Variants in ZNF407 observed in about 807,000 individuals in gnomAD.
ZNF407 encodes zinc finger protein 407.
A neutral mutation model predicts 131.2 loss-of-function variants in ZNF407; 17 were observed. The observed-to-expected ratio is 0.13, with a 90% CI of 0.09 to 0.19. The LOEUF (loss-of-function observed/expected upper bound fraction) is 0.19, where lower values mean the gene tolerates loss of function less well. ZNF407 is among the 10% of genes least tolerant of loss of function. The probability of loss-of-function intolerance (pLI) is 1.00; values close to 1 mark genes in which losing one functional copy is unlikely to be tolerated. For missense variants in ZNF407, 2,681 were observed against 2,830.6 expected (o/e 0.95, Z 1.20); for synonymous variants, 1,156 against 1,062.0 (o/e 1.09, Z -1.72).
chr18:74,634,073 G>C lies in ZNF407; in HGVS notation c.3054G>C (p.Lys1018Asn), dbSNP rs752241301. Residue 1018 changes from lysine to asparagine, a missense_variant, in exon 2 of 9, where the codon AAG (lysine) becomes AAC (asparagine). Physicochemically the swap from Lys to Asn is moderately conservative, Grantham distance 94. Around this residue, in one of 6 missense-constraint regions of ZNF407, gnomAD observed 1,789 missense variants for 1,748.7 expected, o/e 1.02. Coordinates refer to ENST00000299687, the MANE Select transcript of ZNF407 (RefSeq NM_017757.3). ...ATGTTACAGGCACAGGTGAGAATAA[G>C]TGTTTGCACTGTGAGTTTAGTGCTC... ...QRDVTGTGEN[K>N]CLHCEFSAHS... The C allele has an allele frequency of 6.2e-7, 1 of 1,614,076 alleles. No homozygotes were observed. Among genetic ancestry groups the C allele is most frequent in the Non-Finnish European group, 8.5e-7 (1 of 1,179,914 alleles).
intron 3 of ZNF407, among the ~76,000 whole-genome samples, chr18:74,716,396 TG>T (rs902881134): frequency 1.3e-5 from 2 of 152,236 alleles, no homozygotes; most frequent in Non-Finnish European, 2.9e-5. Context: ...TGTGTGTGTG[TG>T]ATTGACTTTG....
chr18:75,054,659 C>G (rs183284877), intron 8 of ZNF407, among the ~76,000 whole-genome samples: 2 of 152,330 alleles, frequency 1.3e-5, no homozygotes, highest in Non-Finnish European at 2.9e-5. Flanking sequence ...TACTGTTTAT[C>G]TGCATTGGGA....
chr18:74,830,356 C>T (rs946218769), intron 4 of ZNF407, among the ~76,000 whole-genome samples: 8 of 152,128 alleles, frequency 5.3e-5, no homozygotes, highest in Non-Finnish European at 1.0e-4. Flanking sequence ...GATCACGGCT[C>T]GCTGCAGCCT....
chr18:74,626,996 G>C (rs1983812549), intron 1 of ZNF407, among the ~76,000 whole-genome samples: 1 of 152,062 alleles, frequency 6.6e-6, no homozygotes, highest in South Asian at 2.1e-4. Context: ...CCTCTCCTTT[G>C]TTTTATCCTC....
chr18:74,917,445 T>C (rs866234012), intron 7 of ZNF407, among the ~76,000 whole-genome samples: 13 of 152,348 alleles, frequency 8.5e-5, no homozygotes, highest in Non-Finnish European at 7.3e-5. Context: ...TAATGCCTTT[T>C]AAAATCTCAA....
At chr18:74,943,634 A>G (rs1423135548) in intron 8 of ZNF407, among the ~76,000 whole-genome samples, 1 of 152,234 alleles carries the variant, frequency 6.6e-6, no homozygotes, top group African/African-American at 2.4e-5. Flanking sequence ...AAATTTTGTC[A>G]CAGCTGCAAA....
At chr18:74,989,557 C>A (rs1163344941) in intron 8 of ZNF407, among the ~76,000 whole-genome samples, 1 of 152,152 alleles carries the variant, frequency 6.6e-6, no homozygotes, top group East Asian at 1.9e-4. Context: ...AATTACATTT[C>A]TTGGCTGGGG....
intron 3 of ZNF407, among the ~76,000 whole-genome samples, chr18:74,687,501 A>G (rs956870308): frequency 4.6e-5 from 7 of 152,270 alleles, no homozygotes; most frequent in Admixed American, 4.6e-4. Flanking sequence ...TCCTTGAAAA[A>G]GCCTCTGAGA....
intron 1 of ZNF407, among the ~76,000 whole-genome samples, chr18:74,612,405 G>GT (rs1057006714): frequency 2.6e-5 from 4 of 152,048 alleles, no homozygotes; most frequent in African/African-American, 9.7e-5. Flanking sequence ...CATATTAAAA[G>GT]TTTTTTGTAT....
intron 8 of ZNF407, among the ~76,000 whole-genome samples, chr18:75,000,672 T>C (rs1330355695): frequency 6.6e-6 from 1 of 150,614 alleles, no homozygotes; most frequent in African/African-American, 2.5e-5. Context: ...TTTTAATCTT[T>C]CATCATTACT....
At chr18:75,023,028 T>A (rs8088298) in intron 8 of ZNF407, among the ~76,000 whole-genome samples, 32,185 of 152,018 alleles carry the variant, frequency 0.21, 3,812 homozygotes, top group Middle Eastern at 0.32. Flanking sequence ...TGTCCTTTGC[T>A]GGGACTTGGA....
At chr18:74,765,422 A>T (rs1380624109) in intron 3 of ZNF407, among the ~76,000 whole-genome samples, 1 of 151,976 alleles carries the variant, frequency 6.6e-6, no homozygotes, top group African/African-American at 2.4e-5. Flanking sequence ...TTGTTCTGAG[A>T]TTGCAGTTAA....
At chr18:74,767,680 G>T in intron 3 of ZNF407, among the ~76,000 whole-genome samples, 1 of 120,018 alleles carries the variant, frequency 8.3e-6, no homozygotes, top group Non-Finnish European at 1.6e-5. Context: ...TTGAGATGGA[G>T]TCTCGCTCTG....
chr18:74,614,421 CCT>C (rs1449312459), intron 1 of ZNF407, among the ~76,000 whole-genome samples: 1 of 152,140 alleles, frequency 6.6e-6, no homozygotes, highest in African/African-American at 2.4e-5. Context: ...GTTTGGAGTC[CCT>C]GTGTGACAGC....
intron 4 of ZNF407, among the ~76,000 whole-genome samples, chr18:74,822,796 C>T (rs1304957852): frequency 1.3e-5 from 2 of 152,088 alleles, no homozygotes; most frequent in East Asian, 1.9e-4. Context: ...TTTTCCACTT[C>T]TGTGAAGAAA....
intron 3 of ZNF407, among the ~76,000 whole-genome samples, chr18:74,681,434 G>A (rs904010902): frequency 6.6e-6 from 1 of 152,036 alleles, no homozygotes. Context: ...GTAGAGACAG[G>A]ACTTCACTGT....
intron 4 of ZNF407, among the ~76,000 whole-genome samples, chr18:74,825,114 A>G (rs1353039154): frequency 1.3e-5 from 2 of 152,232 alleles, no homozygotes; most frequent in African/African-American, 2.4e-5. Context: ...CAAAAACCAC[A>G]TGATTATCTC....
At chr18:74,626,486 T>G (rs1983791450) in intron 1 of ZNF407, among the ~76,000 whole-genome samples, 1 of 152,226 alleles carries the variant, frequency 6.6e-6, no homozygotes, top group African/African-American at 2.4e-5. Flanking sequence ...TTGAGGTCAC[T>G]GGTGTGTATG....
intron 8 of ZNF407, among the ~76,000 whole-genome samples, chr18:75,025,889 T>G (rs1053693402): frequency 2.0e-5 from 3 of 152,260 alleles, no homozygotes; most frequent in African/African-American, 7.2e-5. Context: ...CTTCAAATAC[T>G]TCTTTTTTTA....
Sources: gnomAD v4.1 joint callset for allele counts (sites outside exome capture counted in the v4.1 genomes callset) on GRCh38, gnomAD v4.1.1 for gene constraint, gnomAD v4.1.1 regional missense constraint, MANE v1.5 for transcripts, NCBI Gene and HGNC (gene_info 2026-07-23, HGNC 2026-07-21) for gene names.